Variants in AP2B1 observed in about 807,000 individuals in gnomAD.
The protein encoded by AP2B1 is AP-2 complex subunit beta.
Under a neutral mutation model 102.0 loss-of-function variants are expected in AP2B1, and 23 were observed. The observed-to-expected ratio is 0.23, with a 90% CI of 0.16 to 0.32. The LOEUF (loss-of-function observed/expected upper bound fraction) is 0.32. Ranked by LOEUF, AP2B1 falls within the 10% of genes least tolerant of loss-of-function variation. The probability of loss-of-function intolerance (pLI) is 1.00; values close to 1 mark genes in which losing one functional copy is unlikely to be tolerated. For missense variants in AP2B1, 541 were observed against 1,157.4 expected, an observed-to-expected ratio of 0.47 and a Z score of 7.73; for synonymous variants, 381 against 421.2, an observed-to-expected ratio of 0.90 and a Z score of 1.17.
intron 17 of AP2B1, 47 bp downstream of exon 17, chr17:35,674,368 T>C (rs766991394): frequency 6.2e-7 from 1 of 1,604,798 alleles, no homozygotes; most frequent in Non-Finnish European, 8.5e-7. Context: ...ACAGTTTGCC[T>C]TAGAACCAAC....
chr17:35,629,621 A>T (rs1334802201), intron 9 of AP2B1, among the ~76,000 whole-genome samples: 5 of 152,156 alleles, frequency 3.3e-5, no homozygotes, highest in Non-Finnish European at 2.9e-5. Context: ...TAATTTTTTA[A>T]TTGAGATGTA....
chr17:35,626,591 A>G (rs756652949), intron 6 of AP2B1, 30 bp from the exon 7 acceptor site: 1 of 1,499,720 alleles, frequency 6.7e-7, no homozygotes, highest in Non-Finnish European at 9.3e-7. Context: ...ATTATAATTC[A>G]TGATATTAAT....
In AP2B1 at chr17:35,636,461, G is replaced by A; in HGVS notation, c.1271+5G>A. 1 of 1,601,752 alleles carries A rather than the reference G, an allele frequency of 6.2e-7. No individual in the cohort carries two copies. Among genetic ancestry groups the A allele is most frequent in the Non-Finnish European group, 8.6e-7 (1 of 1,169,026 alleles). ...CTTCCGCAAATACCCCAACAAGTAT[G>A]TCCAAATACCTTTACCCCTCTTTCT... On this transcript the variant is annotated splice_donor_5th_base_variant and intron_variant, in intron 10 of 21. Coordinates refer to ENST00000610402, the MANE Select transcript of AP2B1 (RefSeq NM_001030006.2).
At chr17:35,718,704 G>T (rs905340714) in intron 21 of AP2B1, among the ~76,000 whole-genome samples, 1 of 151,878 alleles carries the variant, frequency 6.6e-6, no homozygotes, top group African/African-American at 2.4e-5. Context: ...AAAAGGGTTG[G>T]GGGGAGAATA....
intron 17 of AP2B1, among the ~76,000 whole-genome samples, chr17:35,675,205 A>T (rs545210719): frequency 3.3e-5 from 5 of 152,324 alleles, no homozygotes; most frequent in African/African-American, 9.6e-5. Flanking sequence ...AGTGGGTTTT[A>T]TTCAGTTTTA....
rs924496016 is a variant in AP2B1, at chr17:35,622,714, G to A, written c.526-1683G>A. On this transcript the variant is annotated intron_variant, in intron 5 of 21. Transcript: ENST00000610402. ...GAGTCTCACTCTGTCGCCCAAGCTG[G>A]AGTGCAGTGGCGTGATCTTGGCTCA... 2.6e-5 allele frequency among the ~76,000 whole-genome samples: 4 copies of A among 152,066 alleles called. No individual in the cohort carries two copies. The South Asian group carries it at 8.3e-4, about 32-fold the overall frequency.
chr17:35,703,514 A>G (rs587770963), intron 18 of AP2B1, among the ~76,000 whole-genome samples: 1 of 152,164 alleles, frequency 6.6e-6, no homozygotes, highest in Non-Finnish European at 1.5e-5. Flanking sequence ...AAAGAATGAG[A>G]TCATGTCCTT....
At chr17:35,649,751 T>C (rs944206096) in intron 12 of AP2B1, among the ~76,000 whole-genome samples, 1 of 152,174 alleles carries the variant, frequency 6.6e-6, no homozygotes, top group Non-Finnish European at 1.5e-5. Context: ...ATTAGGACCA[T>C]GTTGAGTTAA....
At chr17:35,682,334 CTTTTTTTTTTTTTT>C (rs587645888) in intron 17 of AP2B1, among the ~76,000 whole-genome samples, 1,324 of 72,228 alleles carry the variant, frequency 0.018, 53 homozygotes, top group African/African-American at 0.073. Flanking sequence ...AATCCTGCCT[CTTTTTTTTTTTTTT>C]TTTTTTTTTT....
At chr17:35,719,019 C>G (rs2085273222) in intron 21 of AP2B1, among the ~76,000 whole-genome samples, 1 of 152,090 alleles carries the variant, frequency 6.6e-6, no homozygotes, top group South Asian at 2.1e-4. Context: ...CTTAGTATCA[C>G]TGTCCTAAAC....
At chr17:35,687,325 G>T (rs2075957734) in intron 18 of AP2B1, among the ~76,000 whole-genome samples, 1 of 151,674 alleles carries the variant, frequency 6.6e-6, no homozygotes, top group Non-Finnish European at 1.5e-5. Flanking sequence ...TCTCCATGTT[G>T]CCTAGGCTGG....
intron 14 of AP2B1, among the ~76,000 whole-genome samples, chr17:35,664,691 G>A (rs2075425835): frequency 6.6e-6 from 1 of 152,158 alleles, no homozygotes; most frequent in Non-Finnish European, 1.5e-5. Flanking sequence ...GCTCTATTCT[G>A]TGTACTAGGC....
intron 18 of AP2B1, among the ~76,000 whole-genome samples, chr17:35,688,342 G>A (rs966590699): frequency 1.1e-4 from 16 of 152,230 alleles, no homozygotes; most frequent in South Asian, 1.0e-3. Flanking sequence ...ATCAGAAGCC[G>A]TTCTGATTCT....
intron 5 of AP2B1, among the ~76,000 whole-genome samples, chr17:35,610,726 T>C (rs1354845692): frequency 1.3e-5 from 2 of 151,730 alleles, no homozygotes; most frequent in African/African-American, 4.8e-5. Context: ...GCTAACGCGG[T>C]GAATCCCCGT....
At chr17:35,626,432 G>A (rs1313029183) in intron 6 of AP2B1, among the ~76,000 whole-genome samples, 189 bp from the exon 7 acceptor site, 1 of 152,044 alleles carries the variant, frequency 6.6e-6, no homozygotes, top group Non-Finnish European at 1.5e-5. Context: ...TGCTCTGCCT[G>A]TAGTTTGCTG....
At chr17:35,644,621 G>A (rs2074875289) in intron 12 of AP2B1, among the ~76,000 whole-genome samples, 1 of 149,318 alleles carries the variant, frequency 6.7e-6, no homozygotes, top group Non-Finnish European at 1.5e-5. Context: ...CTGATCTAAT[G>A]TGATCCTCCT....
intron 20 of AP2B1, among the ~76,000 whole-genome samples, chr17:35,716,609 GA>G (rs34785813): frequency 0.35 from 52,586 of 148,474 alleles, 9,229 homozygotes; most frequent in East Asian, 0.45. Flanking sequence ...TGCCTGCTTT[GA>G]AAAAAAAAAA....
intron 21 of AP2B1, among the ~76,000 whole-genome samples, chr17:35,718,921 G>T (rs1362285720): frequency 6.6e-6 from 1 of 152,172 alleles, no homozygotes; most frequent in South Asian, 2.1e-4. Context: ...TCAAGATCAT[G>T]TAATTTGTTG....
intron 9 of AP2B1, among the ~76,000 whole-genome samples, chr17:35,631,696 T>C (rs1285731297): frequency 2.0e-5 from 3 of 152,206 alleles, no homozygotes; most frequent in Admixed American, 6.5e-5. Flanking sequence ...ACTTTATCCC[T>C]TATTATAGGA....
Sources: gnomAD v4.1 joint callset for allele counts (sites outside exome capture counted in the v4.1 genomes callset) on GRCh38, gnomAD v4.1.1 for gene constraint, MANE v1.5 for transcripts, NCBI Gene and HGNC (gene_info 2026-07-23, HGNC 2026-07-21) for gene names.